RGS7: variants seen among roughly 807,000 people sequenced by gnomAD.
The protein encoded by RGS7 is regulator of G-protein signaling 7.
Under a neutral mutation model 81.1 loss-of-function variants are expected in RGS7, and 27 were observed. The observed-to-expected ratio is 0.33, with a 90% CI of 0.25 to 0.46. RGS7 has a LOEUF of 0.46. Ranked by LOEUF, RGS7 falls within the 20% of genes least tolerant of loss-of-function variation. The probability of loss-of-function intolerance (pLI) is 1.00; values close to 1 mark genes in which losing one functional copy is unlikely to be tolerated. For synonymous variants in RGS7, 208 were observed against 207.7 expected (o/e 1.00, Z -0.01); for missense variants, 396 against 607.4 (o/e 0.65, Z 3.66).
At chr1:241,007,306 T>C (rs1049652956) in intron 3 of RGS7, among the ~76,000 whole-genome samples, 3 of 152,346 alleles carry the variant, frequency 2.0e-5, no homozygotes, top group African/African-American at 7.2e-5. Flanking sequence ...AGTGGTACTT[T>C]ACTACCACTT....
At chr1:240,787,823 G>A (rs779175188) in intron 18 of RGS7, among the ~76,000 whole-genome samples, 2 of 152,138 alleles carry the variant, frequency 1.3e-5, no homozygotes, top group African/African-American at 2.4e-5. Flanking sequence ...TTAGGGACAT[G>A]TAATCTCAGC....
At chr1:241,323,194 T>C (rs141797822) in intron 2 of RGS7, among the ~76,000 whole-genome samples, 2,851 of 152,338 alleles carry the variant, frequency 0.019, 80 homozygotes, top group African/African-American at 0.065. Flanking sequence ...TTTGTGATAA[T>C]AGAAAATTTC....
intron 2 of RGS7, among the ~76,000 whole-genome samples, chr1:241,284,822 T>C (rs2078706831): frequency 6.6e-6 from 1 of 152,136 alleles, no homozygotes; most frequent in Non-Finnish European, 1.5e-5. Flanking sequence ...TTGGCTGGAG[T>C]AAAGTGGTTA....
At chr1:240,904,365 CTCA>C (rs1670494137) in intron 6 of RGS7, among the ~76,000 whole-genome samples, 1 of 152,132 alleles carries the variant, frequency 6.6e-6, no homozygotes, top group South Asian at 2.1e-4. Flanking sequence ...TGTGTAATAG[CTCA>C]TCTTCAACAC....
intron 2 of RGS7, among the ~76,000 whole-genome samples, chr1:241,117,802 C>T (rs570459915): frequency 1.3e-5 from 2 of 152,212 alleles, no homozygotes; most frequent in Non-Finnish European, 1.5e-5. Flanking sequence ...GAGAAGCCAA[C>T]AGAGACATAA....
intron 6 of RGS7, among the ~76,000 whole-genome samples, chr1:240,887,557 A>G (rs1381943709): frequency 6.6e-6 from 1 of 152,168 alleles, no homozygotes; most frequent in Admixed American, 6.5e-5. Flanking sequence ...GAGATACCAC[A>G]GGGTTGGACC....
chr1:240,940,588 CG>C (rs1211195130), intron 4 of RGS7, among the ~76,000 whole-genome samples: 1 of 152,062 alleles, frequency 6.6e-6, no homozygotes, highest in African/African-American at 2.4e-5. Flanking sequence ...AATTAAGTTA[CG>C]GCACATAAGG....
intron 3 of RGS7, among the ~76,000 whole-genome samples, chr1:241,091,068 G>T (rs1442712074): frequency 6.6e-6 from 1 of 152,142 alleles, no homozygotes; most frequent in Non-Finnish European, 1.5e-5. Flanking sequence ...TGTTCAAAAT[G>T]GGGCCAAAAG....
intron 9 of RGS7, among the ~76,000 whole-genome samples, chr1:240,850,935 A>C (rs1028172934): frequency 6.6e-6 from 1 of 152,188 alleles, no homozygotes; most frequent in Admixed American, 6.5e-5. Context: ...AAAAAGTTGG[A>C]AACTAGCAGA....
rs181725639 is a variant in RGS7, at chr1:241,088,968, G to A, written c.175+9698C>T. ...GGAAGTTGCAGTGAGTTGAGATGGC[G>A]CGAGTTGAGACTGCGCGACTGCACT... On this transcript the variant is annotated intron_variant, in intron 3 of 18. Coordinates refer to ENST00000440928, the MANE Select transcript of RGS7 (RefSeq NM_001364886.1). Among the ~76,000 whole-genome samples, 1,156 of 147,504 alleles carry A rather than the reference G, an allele frequency of 7.8e-3. 22 individuals carry two copies. The highest frequency in any genetic ancestry group is 0.028 in the African/African-American group (1,089 of 39,098).
intron 6 of RGS7, among the ~76,000 whole-genome samples, chr1:240,882,306 T>G (rs1183367500): frequency 6.6e-6 from 1 of 152,148 alleles, no homozygotes; most frequent in African/African-American, 2.4e-5. Context: ...CCAGGAACTA[T>G]TAATAGGAAA....
At chr1:240,857,208 AT>A (rs370066765) in intron 9 of RGS7, among the ~76,000 whole-genome samples, 1,768 of 150,810 alleles carry the variant, frequency 0.012, 36 homozygotes, top group African/African-American at 0.039. Context: ...TTATATCTCT[AT>A]TTTTTTTTGT....
At chr1:241,116,989 G>A (rs1452689736) in intron 2 of RGS7, among the ~76,000 whole-genome samples, 1 of 152,126 alleles carries the variant, frequency 6.6e-6, no homozygotes, top group African/African-American at 2.4e-5. Flanking sequence ...CTAGGGTTCT[G>A]AGAATTAAAC....
intron 2 of RGS7, among the ~76,000 whole-genome samples, chr1:241,158,698 G>C (rs2069381521): frequency 6.6e-6 from 1 of 152,142 alleles, no homozygotes. Context: ...GGTAGAAAAA[G>C]TTTCCCTGAC....
At chr1:240,878,489 CTTT>C (rs57896753) in intron 6 of RGS7, among the ~76,000 whole-genome samples, 5 of 117,566 alleles carry the variant, frequency 4.3e-5, no homozygotes, top group South Asian at 2.7e-4. Context: ...TTTTTTCTTT[CTTT>C]TTTTTTTTTT....
intron 2 of RGS7, among the ~76,000 whole-genome samples, chr1:241,310,422 AGTGTATGT>A (rs2080447367): frequency 2.0e-5 from 3 of 147,962 alleles, no homozygotes; most frequent in East Asian, 2.0e-4. Flanking sequence ...TGTGTGTGAG[AGTGTATGT>A]GTGTCTGTGT....
chr1:241,140,897 C>G (rs1054125048), intron 2 of RGS7, among the ~76,000 whole-genome samples: 2 of 152,122 alleles, frequency 1.3e-5, no homozygotes, highest in African/African-American at 4.8e-5. Context: ...ACAACATTAC[C>G]CACTAGTGCC....
At chr1:240,873,417 A>G (rs1443540205) in intron 6 of RGS7, among the ~76,000 whole-genome samples, 1 of 152,204 alleles carries the variant, frequency 6.6e-6, no homozygotes, top group Non-Finnish European at 1.5e-5. Flanking sequence ...TTGGGAGGTC[A>G]AACAAGTAAT....
At chr1:240,935,381 T>C (rs1160819073) in intron 5 of RGS7, among the ~76,000 whole-genome samples, 1 of 152,232 alleles carries the variant, frequency 6.6e-6, no homozygotes, top group African/African-American at 2.4e-5. Flanking sequence ...CAGAAGTTAC[T>C]TTAATAATAT....
Sources: gnomAD v4.1 joint callset for allele counts (sites outside exome capture counted in the v4.1 genomes callset) on GRCh38, gnomAD v4.1.1 for gene constraint, MANE v1.5 for transcripts, NCBI Gene and HGNC (gene_info 2026-07-23, HGNC 2026-07-21) for gene names.